Variants in HS6ST3 observed in about 807,000 individuals in gnomAD.
The protein encoded by HS6ST3 is heparan sulfate 6-O-sulfotransferase 3.
Under a neutral mutation model 36.7 loss-of-function variants are expected in HS6ST3, and 12 were observed. That is an observed-to-expected ratio of 0.33 (90% CI 0.21 to 0.53). The LOEUF (loss-of-function observed/expected upper bound fraction) is 0.53. Ranked by LOEUF, HS6ST3 falls within the 20% of genes least tolerant of loss-of-function variation. The pLI is 0.95. For missense variants in HS6ST3, 584 were observed against 640.9 expected (o/e 0.91, Z 0.96); for synonymous variants, 240 against 257.5 (o/e 0.93, Z 0.65).
At chr13:96,299,292 T>A (rs1453401103) in intron 1 of HS6ST3, among the ~76,000 whole-genome samples, 1 of 152,220 alleles carries the variant, frequency 6.6e-6, no homozygotes, top group Non-Finnish European at 1.5e-5. Flanking sequence ...CATTTACTGC[T>A]TCGTTCCTGG....
intron 1 of HS6ST3, among the ~76,000 whole-genome samples, chr13:96,701,856 G>A (rs929652565): frequency 6.6e-6 from 1 of 152,152 alleles, no homozygotes; most frequent in African/African-American, 2.4e-5. Flanking sequence ...CAGCTACTCA[G>A]GAGGCTGAGG....
intron 1 of HS6ST3, among the ~76,000 whole-genome samples, chr13:96,193,018 C>T (rs74106366): frequency 0.01 from 1,549 of 152,246 alleles, 31 homozygotes; most frequent in African/African-American, 0.034. Flanking sequence ...GTTCCTCTCT[C>T]GGCAAATTGC....
chr13:96,669,936 A>G (rs1258586607), intron 1 of HS6ST3, among the ~76,000 whole-genome samples: 1 of 152,156 alleles, frequency 6.6e-6, no homozygotes, highest in African/African-American at 2.4e-5. Flanking sequence ...GGAGTTCAGG[A>G]GACAAATAGG....
chr13:96,692,697 A>T (rs1874999485), intron 1 of HS6ST3, among the ~76,000 whole-genome samples: 1 of 152,064 alleles, frequency 6.6e-6, no homozygotes, highest in Admixed American at 6.6e-5. Context: ...TTCATTTTTC[A>T]TTTCTTTTTT....
intron 1 of HS6ST3, among the ~76,000 whole-genome samples, chr13:96,629,009 T>G (rs1237300263): frequency 6.6e-6 from 1 of 152,216 alleles, no homozygotes; most frequent in East Asian, 1.9e-4. Flanking sequence ...CTGTCATGTC[T>G]TGTTTTTAAA....
intron 1 of HS6ST3, among the ~76,000 whole-genome samples, chr13:96,188,028 T>C (rs2054272247): frequency 6.6e-6 from 1 of 152,194 alleles, no homozygotes; most frequent in South Asian, 2.1e-4. Flanking sequence ...ACCTAGGGTA[T>C]ACTGGTATAC....
intron 1 of HS6ST3, among the ~76,000 whole-genome samples, chr13:96,584,300 C>T (rs766620852): frequency 6.6e-6 from 1 of 152,070 alleles, no homozygotes; most frequent in Non-Finnish European, 1.5e-5. Context: ...TGTGCCACCA[C>T]CCCCAGCTAA....
intron 1 of HS6ST3, among the ~76,000 whole-genome samples, chr13:96,599,635 C>T (rs2056414507): frequency 6.6e-6 from 1 of 151,140 alleles, no homozygotes; most frequent in Non-Finnish European, 1.5e-5. Context: ...ATTTTGTTTA[C>T]TGCTGGTCTC....
In HS6ST3 at chr13:96,832,765, T is replaced by G. The variant is rs1413207592; in HGVS notation, c.983T>G (p.Met328Arg). Residue 328 changes from methionine to arginine, a missense_variant, in exon 2 of 2, where the codon ATG (methionine) becomes AGG (arginine). Around this residue, in one of 3 missense-constraint regions of HS6ST3, gnomAD observed 360 missense variants for 411.3 expected, o/e 0.88. Transcript: ENST00000376705. Reference sequence around the variant, plus strand: ...GTGGGCTGCTATAACTTGACTTTCATGAACGAGAGTGAAAGAAACACCATC... The same window carrying G: ...GTGGGCTGCTATAACTTGACTTTCAGGAACGAGAGTGAAAGAAACACCATC... ...SLVGCYNLTFMNESERNTILL... is the reference protein window; with the variant it reads ...SLVGCYNLTFRNESERNTILL... 3 of 1,614,152 alleles carry G rather than the reference T, an allele frequency of 1.9e-6. No individual in the cohort carries two copies. Among genetic ancestry groups the G allele is most frequent in the Non-Finnish European group, 2.5e-6 (3 of 1,180,028 alleles).
At chr13:96,689,911 A>T (rs1307951245) in intron 1 of HS6ST3, among the ~76,000 whole-genome samples, 8 of 152,050 alleles carry the variant, frequency 5.3e-5, no homozygotes, top group Admixed American at 3.3e-4. Flanking sequence ...TAGACTGAAG[A>T]TTCACAGCAG....
chr13:96,759,356 T>G lies in HS6ST3; in HGVS notation c.708-73134T>G, dbSNP rs927885335. On this transcript the variant is annotated intron_variant, in intron 1 of 1. Coordinates refer to ENST00000376705, the MANE Select transcript of HS6ST3 (RefSeq NM_153456.4). ...TAGTTGATTCATCCCATCAGTTTTC[T>G]GTTTCTCCTTTCTTGCTTTCTTTTG... 5.7e-4 allele frequency among the ~76,000 whole-genome samples: 86 copies of G among 152,010 alleles called. 1 individual carries two copies. The highest frequency in any genetic ancestry group is 2.0e-3 in the African/African-American group (85 of 41,572).
chr13:96,211,966 C>T (rs4773944), intron 1 of HS6ST3, among the ~76,000 whole-genome samples: 76,593 of 152,010 alleles, frequency 0.5, 19,420 homozygotes, highest in Admixed American at 0.58. Context: ...CATCGTAGAG[C>T]ACACCAGAAG....
At chr13:96,121,565 C>A (rs2053925490) in intron 1 of HS6ST3, among the ~76,000 whole-genome samples, 1 of 152,200 alleles carries the variant, frequency 6.6e-6, no homozygotes, top group Non-Finnish European at 1.5e-5. Context: ...TTGCTAATAG[C>A]CCGAACCAGT....
chr13:96,448,342 G>A (rs191921129), intron 1 of HS6ST3, among the ~76,000 whole-genome samples: 1 of 152,076 alleles, frequency 6.6e-6, no homozygotes, highest in Non-Finnish European at 1.5e-5. Context: ...CCACCAGAAT[G>A]TCTCTCTCTC....
intron 1 of HS6ST3, among the ~76,000 whole-genome samples, chr13:96,283,669 T>C (rs2054786282): frequency 6.6e-6 from 1 of 152,220 alleles, no homozygotes; most frequent in South Asian, 2.1e-4. Context: ...AATAGATATG[T>C]GTATGTGTAT....
intron 1 of HS6ST3, among the ~76,000 whole-genome samples, chr13:96,746,543 T>C (rs2138488826): frequency 6.6e-6 from 1 of 152,166 alleles, no homozygotes; most frequent in South Asian, 2.1e-4. Flanking sequence ...GTGCTTCCCA[T>C]ATGAGATAGG....
At chr13:96,710,976 T>C (rs1209222475) in intron 1 of HS6ST3, among the ~76,000 whole-genome samples, 2 of 152,248 alleles carry the variant, frequency 1.3e-5, no homozygotes, top group Non-Finnish European at 2.9e-5. Context: ...CACATTTCTC[T>C]CAGACTTCTT....
chr13:96,378,511 A>G lies in HS6ST3; in HGVS notation c.707+286942A>G, dbSNP rs117363672. The stretch of plus-strand genomic sequence containing the variant: ...GACTTCACCTTGCTTGGCTTTATCC[A>G]TCCATTCCCAGGGCTATCCTGAATC... On this transcript the variant is annotated intron_variant, in intron 1 of 1. Coordinates refer to ENST00000376705, the MANE Select transcript of HS6ST3 (RefSeq NM_153456.4). Among the ~76,000 whole-genome samples the G allele has an allele frequency of 6.4e-4, 98 of 152,254 alleles. No homozygotes were observed. In the East Asian group the frequency reaches 0.015, roughly 23 times the overall value.
intron 1 of HS6ST3, among the ~76,000 whole-genome samples, chr13:96,295,405 G>C (rs1455181231): frequency 2.0e-5 from 3 of 152,008 alleles, no homozygotes; most frequent in Non-Finnish European, 4.4e-5. Context: ...TTGCTGAGGA[G>C]AAGCCATGTT....
Sources: gnomAD v4.1 joint callset for allele counts (sites outside exome capture counted in the v4.1 genomes callset) on GRCh38, gnomAD v4.1.1 for gene constraint, gnomAD v4.1.1 regional missense constraint, MANE v1.5 for transcripts, NCBI Gene and HGNC (gene_info 2026-07-23, HGNC 2026-07-21) for gene names.